The following B3GALT1 variants were observed in gnomAD, a reference collection of about 807,000 sequenced individuals.
B3GALT1 encodes beta-1,3-galactosyltransferase 1.
B3GALT1 carries 10 observed loss-of-function variants against 23.2 expected under a neutral mutation model. That is an observed-to-expected ratio of 0.43 (90% CI 0.27 to 0.73). B3GALT1 has a LOEUF of 0.73. B3GALT1 is among the 30% of genes least tolerant of loss of function. B3GALT1 has a pLI of 0.21. For missense variants in B3GALT1, 299 were observed against 405.4 expected (o/e 0.74, Z 2.25); for synonymous variants, 156 against 141.5 (o/e 1.10, Z -0.73).
At chr2:167,345,525 C>T (rs1410731094) in intron 1 of B3GALT1, among the ~76,000 whole-genome samples, 4 of 152,132 alleles carry the variant, frequency 2.6e-5, no homozygotes, top group African/African-American at 7.2e-5. Flanking sequence ...GTTGCTTAAT[C>T]AGAGCAGTTG....
intron 1 of B3GALT1, among the ~76,000 whole-genome samples, chr2:167,371,006 A>G (rs1271521702): frequency 6.6e-6 from 1 of 152,214 alleles, no homozygotes; most frequent in African/African-American, 2.4e-5. Flanking sequence ...ACCATGGATT[A>G]TAAATTCTGT....
intron 2 of B3GALT1, among the ~76,000 whole-genome samples, chr2:167,495,468 G>T (rs1167550835): frequency 6.6e-6 from 1 of 151,678 alleles, no homozygotes; most frequent in Non-Finnish European, 1.5e-5. Context: ...CGAGTAGCTG[G>T]GATTACAGGC....
At chr2:167,408,015 GACACACACACACACACACACACAC>G (rs56318085) in intron 1 of B3GALT1, among the ~76,000 whole-genome samples, 40 of 129,736 alleles carry the variant, frequency 3.1e-4, no homozygotes, top group African/African-American at 5.4e-4. Flanking sequence ...AGCAGGCAAA[GACACACACACACACACACACACAC>G]ACACACACAC....
At chr2:167,400,651 T>C (rs1698173751) in intron 1 of B3GALT1, among the ~76,000 whole-genome samples, 1 of 152,128 alleles carries the variant, frequency 6.6e-6, no homozygotes, top group Non-Finnish European at 1.5e-5. Context: ...TTCTGTTTTA[T>C]TCACTGTTGT....
chr2:167,330,535 A>G (rs1346275972), intron 1 of B3GALT1, among the ~76,000 whole-genome samples: 1 of 152,178 alleles, frequency 6.6e-6, no homozygotes, highest in Non-Finnish European at 1.5e-5. Context: ...ACCTGAGCCC[A>G]GGAGGTTGAG....
intron 3 of B3GALT1, among the ~76,000 whole-genome samples, chr2:167,703,977 C>A (rs889010748): frequency 2.6e-5 from 4 of 151,914 alleles, no homozygotes; most frequent in East Asian, 1.9e-4. Context: ...GTCAGGAGAT[C>A]AAGACCTTCC....
intron 3 of B3GALT1, among the ~76,000 whole-genome samples, chr2:167,664,105 T>G (rs1439958006): frequency 2.0e-5 from 3 of 151,102 alleles, no homozygotes; most frequent in South Asian, 2.1e-4. Context: ...GTCTAACGTT[T>G]AAGTCTTTAA....
intron 3 of B3GALT1, among the ~76,000 whole-genome samples, chr2:167,793,543 G>C (rs199698233): frequency 0.042 from 6,335 of 152,280 alleles, 156 homozygotes; most frequent in South Asian, 0.09. Flanking sequence ...AAAATGATTA[G>C]TTCGGATTTT....
intron 1 of B3GALT1, among the ~76,000 whole-genome samples, chr2:167,319,259 A>G (rs1696765932): frequency 6.6e-6 from 1 of 152,086 alleles, no homozygotes; most frequent in Non-Finnish European, 1.5e-5. Context: ...GCATGTAAGT[A>G]TCTCTAAACA....
intron 3 of B3GALT1, among the ~76,000 whole-genome samples, chr2:167,707,577 A>C (rs2105515310): frequency 1.3e-5 from 2 of 151,772 alleles, no homozygotes; most frequent in Admixed American, 6.6e-5. Flanking sequence ...CATCTTGAAA[A>C]CCAGAAATGG....
intron 1 of B3GALT1, among the ~76,000 whole-genome samples, chr2:167,394,381 A>G (rs1399308093): frequency 2.0e-5 from 3 of 152,180 alleles, no homozygotes; most frequent in Admixed American, 6.5e-5. Flanking sequence ...CTCAGAAACA[A>G]AACTGTCCTA....
chr2:167,709,024 G>C (rs1687010526), intron 3 of B3GALT1, among the ~76,000 whole-genome samples: 1 of 152,172 alleles, frequency 6.6e-6, no homozygotes, highest in South Asian at 2.1e-4. Context: ...CAGGAGTCTG[G>C]AGACCTTAGG....
chr2:167,351,475 A>G (rs897065694), intron 1 of B3GALT1, among the ~76,000 whole-genome samples: 1 of 152,190 alleles, frequency 6.6e-6, no homozygotes, highest in Non-Finnish European at 1.5e-5. Flanking sequence ...GCAATTTTGC[A>G]TTAATTACTC....
chr2:167,552,778 T>C (rs1683772268), intron 2 of B3GALT1, among the ~76,000 whole-genome samples: 1 of 152,232 alleles, frequency 6.6e-6, no homozygotes, highest in South Asian at 2.1e-4. Context: ...GAAATACTTT[T>C]TCCTTTGGGA....
intron 2 of B3GALT1, among the ~76,000 whole-genome samples, chr2:167,559,418 C>G (rs527899439): frequency 1.3e-5 from 2 of 152,194 alleles, no homozygotes; most frequent in Non-Finnish European, 2.9e-5. Flanking sequence ...TCCAAAGGAA[C>G]GCAATTCCTC....
At chr2:167,446,942 T>G (rs1471973475) in intron 1 of B3GALT1, among the ~76,000 whole-genome samples, 2 of 152,210 alleles carry the variant, frequency 1.3e-5, no homozygotes, top group Non-Finnish European at 2.9e-5. Context: ...GGCACTGTGA[T>G]TTTTAGAATT....
At chr2:167,765,967 A>C (rs1687971343) in intron 3 of B3GALT1, among the ~76,000 whole-genome samples, 1 of 152,228 alleles carries the variant, frequency 6.6e-6, no homozygotes, top group African/African-American at 2.4e-5. Flanking sequence ...TTTGTGACCA[A>C]GTGAAAGCAT....
intron 2 of B3GALT1, among the ~76,000 whole-genome samples, chr2:167,637,657 T>C (rs1226756191): frequency 6.6e-6 from 1 of 151,980 alleles, no homozygotes; most frequent in East Asian, 1.9e-4. Context: ...CCCACTTCCA[T>C]CCTCACACCC....
chr2:167,493,009 TTAAA>T (rs1699732383), intron 2 of B3GALT1, among the ~76,000 whole-genome samples: 1 of 152,166 alleles, frequency 6.6e-6, no homozygotes, highest in Non-Finnish European at 1.5e-5. Flanking sequence ...TCTGGCTTGT[TTAAA>T]TATGCATATT....
Sources: allele counts gnomAD v4.1 joint callset (sites outside exome capture counted in the v4.1 genomes callset), GRCh38; gene constraint gnomAD v4.1.1; transcripts MANE v1.5; gene names NCBI Gene and HGNC (gene_info 2026-07-23, HGNC 2026-07-21).